The following NWD2 variants were observed in gnomAD, a reference collection of about 807,000 sequenced individuals.
NWD2 encodes the protein NACHT and WD repeat domain containing 2.
A neutral mutation model predicts 132.7 loss-of-function variants in NWD2; 37 were observed. The observed-to-expected ratio is 0.28, with a 90% confidence interval of 0.21 to 0.37. NWD2 has a LOEUF of 0.37. Among genes scored for constraint, NWD2 ranks in the 10% least tolerant of loss-of-function variants. The pLI, the probability that NWD2 is intolerant of heterozygous loss-of-function variation, is 1.00. For missense variants in NWD2, 1,592 were observed against 2,122.4 expected, an observed-to-expected ratio of 0.75 and a Z score of 4.91; for synonymous variants, 705 against 803.0, an observed-to-expected ratio of 0.88 and a Z score of 2.06.
intron 2 of NWD2, among the ~76,000 whole-genome samples, chr4:37,326,585 A>G (rs897686941): frequency 3.9e-5 from 6 of 152,194 alleles, no homozygotes; most frequent in African/African-American, 1.4e-4. Flanking sequence ...ACATCCTAAC[A>G]TTTTAATGCA....
At chr4:37,298,454 C>T (rs1323167043) in intron 1 of NWD2, among the ~76,000 whole-genome samples, 1 of 152,178 alleles carries the variant, frequency 6.6e-6, no homozygotes, top group Admixed American at 6.5e-5. Context: ...GCCAGGCCAG[C>T]TTCCATTTGA....
intron 3 of NWD2, among the ~76,000 whole-genome samples, chr4:37,399,821 C>T (rs1223263058): frequency 1.3e-5 from 2 of 152,200 alleles, no homozygotes; most frequent in Admixed American, 1.3e-4. Context: ...CTAGGAATTG[C>T]TTAGAAATGC....
chr4:37,248,340 A>G (rs1190580522), intron 1 of NWD2, among the ~76,000 whole-genome samples: 3 of 152,232 alleles, frequency 2.0e-5, no homozygotes, highest in African/African-American at 7.2e-5. Flanking sequence ...AGGAAATTTC[A>G]AAATGTGCTG....
At chr4:37,296,486 T>C (rs1366140296) in intron 1 of NWD2, among the ~76,000 whole-genome samples, 1 of 152,166 alleles carries the variant, frequency 6.6e-6, no homozygotes, top group African/African-American at 2.4e-5. Flanking sequence ...GTGGCATATA[T>C]ACACCACGGA....
chr4:37,302,768 G>A (rs1392974978), intron 1 of NWD2, among the ~76,000 whole-genome samples: 1 of 151,934 alleles, frequency 6.6e-6, no homozygotes, highest in Non-Finnish European at 1.5e-5. Flanking sequence ...CTTCTTTTGA[G>A]AAATGTCTAT....
chr4:37,439,520 C>T lies in NWD2; in HGVS notation c.1296+130C>T. ...ATAGTTGGTCTTTTAGGAGTGAATA[C>T]TGCAGTGCTTCTTTTTTGCTGGTAT... On this transcript the variant is annotated intron_variant, in intron 6 of 6. Transcript: ENST00000309447. The surrounding 1 kb of genome is among the most constrained non-coding windows in gnomAD (Gnocchi z 4.5). 1 of 606,800 alleles carries T rather than the reference C, an allele frequency of 1.6e-6. No homozygotes were observed. Among genetic ancestry groups the T allele is most frequent in the Non-Finnish European group, 2.7e-6 (1 of 371,106 alleles). The allele number at this position is 606,800 out of a possible 1,614,324, so 37.6% of individuals were successfully genotyped here.
At chr4:37,296,408 C>G (rs750654026) in intron 1 of NWD2, among the ~76,000 whole-genome samples, 11 of 152,228 alleles carry the variant, frequency 7.2e-5, no homozygotes, top group Non-Finnish European at 1.5e-4. Context: ...GATGGCAGCA[C>G]AGTTCACAAT....
intron 1 of NWD2, among the ~76,000 whole-genome samples, chr4:37,294,159 A>G (rs1718426630): frequency 1.3e-5 from 2 of 151,844 alleles, no homozygotes; most frequent in Admixed American, 1.3e-4. Flanking sequence ...CAAATGTGAG[A>G]GCTTCCAATC....
chr4:37,337,915 A>G (rs1577672718), intron 2 of NWD2, among the ~76,000 whole-genome samples: 1 of 152,090 alleles, frequency 6.6e-6, no homozygotes, highest in Non-Finnish European at 1.5e-5. Context: ...GGCTTAGTCC[A>G]TTCTTTCATC....
intron 1 of NWD2, among the ~76,000 whole-genome samples, chr4:37,325,266 T>G (rs973150364): frequency 6.6e-6 from 1 of 152,178 alleles, no homozygotes; most frequent in Non-Finnish European, 1.5e-5. Flanking sequence ...ATAAAATATT[T>G]TTTTATTTCA....
chr4:37,311,817 G>A (rs1371568804), intron 1 of NWD2, among the ~76,000 whole-genome samples: 1 of 149,078 alleles, frequency 6.7e-6, no homozygotes, highest in Non-Finnish European at 1.5e-5. Context: ...AAGGTATAAG[G>A]AAGGGATCCA....
At chr4:37,384,130 T>A (rs1720512307) in intron 3 of NWD2, among the ~76,000 whole-genome samples, 1 of 152,198 alleles carries the variant, frequency 6.6e-6, no homozygotes, top group East Asian at 1.9e-4. Context: ...TGATTCCCTT[T>A]TTAGGAGCAG....
chr4:37,340,108 GA>G (rs56841392), intron 2 of NWD2, among the ~76,000 whole-genome samples: 112,694 of 151,936 alleles, frequency 0.74, 44,124 homozygotes, highest in Non-Finnish European at 0.86. Context: ...ATAGTCCCTT[GA>G]AAAAATTAAC....
intron 4 of NWD2, among the ~76,000 whole-genome samples, chr4:37,432,225 C>G (rs1427273410): frequency 6.6e-6 from 1 of 152,092 alleles, no homozygotes; most frequent in Non-Finnish European, 1.5e-5. Flanking sequence ...CTGTCCTCTA[C>G]AGCTTCTAAT....
chr4:37,339,253 G>T (rs528595674), intron 2 of NWD2, among the ~76,000 whole-genome samples: 1 of 152,292 alleles, frequency 6.6e-6, no homozygotes, highest in Non-Finnish European at 1.5e-5. Flanking sequence ...AAAAGGGAAG[G>T]AAAGCATTAT....
chr4:37,440,215 T>C (rs553802688), intron 6 of NWD2, among the ~76,000 whole-genome samples: 7 of 152,308 alleles, frequency 4.6e-5, no homozygotes, highest in African/African-American at 1.7e-4. Context: ...TCCAGCAATG[T>C]GCTTCCAGTA....
At chr4:37,382,228 G>A (rs1265508581) in intron 3 of NWD2, among the ~76,000 whole-genome samples, 1 of 152,206 alleles carries the variant, frequency 6.6e-6, no homozygotes, top group African/African-American at 2.4e-5. Context: ...GGTAGCAAGT[G>A]AAAGACAGAG....
chr4:37,366,101 C>T (rs1289491225), intron 3 of NWD2, among the ~76,000 whole-genome samples: 1 of 151,980 alleles, frequency 6.6e-6, no homozygotes, highest in Non-Finnish European at 1.5e-5. Context: ...ATAGAGGAAC[C>T]CCCAAATCAC....
At chr4:37,300,686 A>C (rs573659959) in intron 1 of NWD2, among the ~76,000 whole-genome samples, 1 of 152,118 alleles carries the variant, frequency 6.6e-6, no homozygotes, top group Non-Finnish European at 1.5e-5. Flanking sequence ...AATAGCATGC[A>C]TGGTTGTAAC....
Sources: gnomAD v4.1 joint callset for allele counts (sites outside exome capture counted in the v4.1 genomes callset) on GRCh38, gnomAD v4.1.1 for gene constraint, Gnocchi (gnomAD v3.1) non-coding constraint, MANE v1.5 for transcripts, NCBI Gene and HGNC (gene_info 2026-07-23, HGNC 2026-07-21) for gene names.